The following PNLDC1 variants were observed in gnomAD, a reference collection of about 807,000 sequenced individuals.
PNLDC1 encodes PARN like ribonuclease domain containing exonuclease 1.
PNLDC1 carries 70 observed loss-of-function variants against 82.0 expected under a neutral mutation model. The ratio of observed to expected loss-of-function variants is 0.85; its 90% CI spans 0.70 to 1.04. The LOEUF is 1.04. Ranked by LOEUF, PNLDC1 falls within the 50% of genes least tolerant of loss-of-function variation. The pLI is 0.00. For missense variants in PNLDC1, 631 were observed against 661.1 expected (o/e 0.95, Z 0.50); for synonymous variants, 280 against 249.3 (o/e 1.12, Z -1.16).
chr6:159,817,535 T>C (rs1233191008), intron 15 of PNLDC1, among the ~76,000 whole-genome samples: 1 of 152,196 alleles, frequency 6.6e-6, no homozygotes, highest in Non-Finnish European at 1.5e-5. Context: ...GAGGAGAAAG[T>C]GTTCAGGTCA....
At chr6:159,816,127 T>TCCCCCCCCCCCCCCCCCCCCCCC in intron 13 of PNLDC1, 94 bp downstream of exon 13, 1 of 540,610 alleles carries the variant, frequency 1.8e-6, no homozygotes, top group Non-Finnish European at 2.4e-6. Flanking sequence ...CCCACACCCC[T>TCCCCCCCCCCCCCCCCCCCCCCC]CCCCACCCAC....
In PNLDC1 at chr6:159,816,571, G is replaced by A. The variant is rs367855452; in HGVS notation, c.1089G>A (p.Ala363=). The A allele has an allele frequency of 3.2e-4, 523 of 1,613,586 alleles. No individual in the cohort carries two copies. The highest frequency in any genetic ancestry group is 4.2e-4 in the Non-Finnish European group (497 of 1,179,914). Residue 363 remains alanine, a synonymous_variant, in exon 14 of 19, where the codon GCG becomes GCA. Coordinates refer to ENST00000392167, the MANE Select transcript of PNLDC1 (RefSeq NM_001271862.2). ...AGACAAAGTGCCCCCACGAAGCCGCGTATGATGCCTTCCTCTGTGGGTCAG... is the reference window on the plus strand; with the variant it reads ...AGACAAAGTGCCCCCACGAAGCCGCATATGATGCCTTCCTCTGTGGGTCAG... The part of the protein sequence containing the change: ...YVETKCPHEA[A]YDAFLCGSVL...
intron 12 of PNLDC1, among the ~76,000 whole-genome samples, chr6:159,813,865 A>C (rs777744489): frequency 1.3e-5 from 2 of 152,142 alleles, no homozygotes; most frequent in Non-Finnish European, 2.9e-5. Flanking sequence ...CAGAGACAGG[A>C]AATCTCTCAA....
chr6:159,819,153 C>A lies in PNLDC1; in HGVS notation c.1433+32C>A, dbSNP rs1386617007. 6.2e-7 allele frequency: 1 copy of A among 1,610,916 alleles called. No individual in the cohort carries two copies. The highest frequency in any genetic ancestry group is 2.2e-5 in the East Asian group (1 of 44,870). On this transcript the variant is annotated intron_variant, in intron 17 of 18. Transcript: ENST00000392167. The surrounding 1 kb of genome is among the most constrained non-coding windows in gnomAD (Gnocchi z 4.6). The stretch of plus-strand genomic sequence containing the variant: ...GCCTCTAAGTCCGCGTCCCCCACCC[C>A]TCGTGCGTTCATCCCTGTATCTCTC...
rs548986331 is a variant in PNLDC1, at chr6:159,814,953, C to T, written c.996-1016C>T. On this transcript the variant is annotated intron_variant, in intron 12 of 18. Transcript: ENST00000392167. ...TAAAGGACAGCTCATGGCACACCCA[C>T]GACGACGACGCCTGTTTTACAGATG... Among the ~76,000 whole-genome samples the T allele has an allele frequency of 5.9e-5, 9 of 152,268 alleles. No homozygotes were observed. In the South Asian group the frequency reaches 8.3e-4, roughly 14 times the overall value.
chr6:159,810,095 G>A lies in PNLDC1; in HGVS notation c.853G>A (p.Glu285Lys), dbSNP rs898877721. The change falls in exon 10 of 19, where the codon GAA becomes AAA. Residue 285 changes from glutamate (E) to lysine (K), a missense_variant and splice_region_variant. Glu to Lys is a moderately conservative substitution (Grantham distance 56, BLOSUM62 1). Coordinates refer to ENST00000392167, the MANE Select transcript of PNLDC1 (RefSeq NM_001271862.2). The stretch of plus-strand genomic sequence containing the variant: ...TGAGAAGTTCTTCAGACCCCTCCCA[G>A]GTAGGGGCAAACCTGTCATTTCTCT... ...LHEKFFRPLP[E>K]SYDQFKQNIH... 1.9e-6 allele frequency: 3 copies of A among 1,613,088 alleles called. No homozygotes were observed. The African/African-American group carries it at 4.0e-5, about 22-fold the overall frequency.
At chr6:159,804,194 G>A (rs1422921855) in intron 5 of PNLDC1, 106 bp downstream of exon 5, 43 of 1,333,402 alleles carry the variant, frequency 3.2e-5, no homozygotes, top group Middle Eastern at 1.9e-4. Context: ...TTCGCCTCCC[G>A]GGTTCAAGTG....
At chr6:159,804,748 C>T (rs967921944) in intron 6 of PNLDC1, 111 bp downstream of exon 6, 33 of 739,090 alleles carry the variant, frequency 4.5e-5, no homozygotes, top group Admixed American at 1.3e-4. Flanking sequence ...CCATGCTTGG[C>T]GGGGATGGCT....
chr6:159,813,632 CG>C lies in PNLDC1; in HGVS notation c.973del (p.Glu325LysfsTer6). The C allele has an allele frequency of 6.2e-7, 1 of 1,613,846 alleles. No homozygotes were observed. The highest frequency in any genetic ancestry group is 8.5e-7 in the Non-Finnish European group (1 of 1,179,768). On this transcript the variant is annotated frameshift_variant, in exon 12 of 19. Transcript: ENST00000392167. LOFTEE classifies it high-confidence loss of function. Reference protein sequence around the residue: ...EMNFPRVSNLSEVYEVLNSDL... With the variant: ...EMNFPRVSNLXEVYEVLNSDL... ...AATTTCCCGAGGGTGTCGAATCTTT[CG>C]GAAGTCTATGAAGTCCTGAACAGGT... is the stretch of plus-strand genomic sequence containing the variant.
Position 159,814,221 on chromosome 6 carries a change from T to C in PNLDC1, c.995+565T>C, listed in dbSNP as rs369526054. The stretch of plus-strand genomic sequence containing the variant: ...GCAGGGGCACCCAGAGCCGCCAGTC[T>C]GTCCCCAGTCAGCAGGACGAGGCAC... On this transcript the variant is annotated intron_variant, in intron 12 of 18. Transcript: ENST00000392167. Among the ~76,000 whole-genome samples, 6 of 152,362 alleles carry C rather than the reference T, an allele frequency of 3.9e-5. No homozygotes were observed. In the East Asian group the frequency reaches 1.2e-3, roughly 29 times the overall value.
At position 159,806,154 on chromosome 6, in the gene PNLDC1, G is replaced by A. The variant is rs936635300; in HGVS notation, c.562+71G>A. On this transcript the variant is annotated intron_variant, in intron 7 of 18. Transcript: ENST00000392167. ...CACTGTCACCTGCCAGGAGTTGGGG[G>A]AAACACACCCTTTCTTGGGATCCTG... 1.0e-5 allele frequency: 12 copies of A among 1,164,912 alleles called. No homozygotes were observed. In the Admixed American group the frequency reaches 1.4e-4, roughly 13 times the overall value. The allele number at this position is 1,164,912 out of a possible 1,614,324, so 72.2% of individuals were successfully genotyped here. A position where few individuals can be genotyped will look rare whatever the true frequency, so the allele number is the denominator to read the frequency against.
Position 159,819,024 on chromosome 6 carries a change from G to C in PNLDC1, c.1336G>C (p.Glu446Gln). The stretch of plus-strand genomic sequence containing the variant: ...CGTCAAAAGGTGGCCTGGGGTCAGC[G>C]AGCAGCAAGTCTACCATAAGTTTCA... Reference protein sequence around the residue: ...LSVKRWPGVSEQQVYHKFQNL... With the variant: ...LSVKRWPGVSQQQVYHKFQNL... The change falls in exon 17 of 19, where the codon GAG becomes CAG. Residue 446 changes from glutamate to glutamine, a missense_variant. Glu to Gln is a conservative substitution (Grantham distance 29). Transcript: ENST00000392167. The surrounding 1 kb of genome is among the most constrained non-coding windows in gnomAD (Gnocchi z 4.6). 6.2e-7 allele frequency: 1 copy of C among 1,614,014 alleles called. No individual in the cohort carries two copies. Among genetic ancestry groups the C allele is most frequent in the South Asian group, 1.1e-5 (1 of 91,074 alleles).
At chr6:159,813,445 C>G (rs1023351287) in intron 11 of PNLDC1, among the ~76,000 whole-genome samples, 156 bp from the exon 12 acceptor site, 6 of 152,182 alleles carry the variant, frequency 3.9e-5, no homozygotes, top group Admixed American at 6.5e-5. Flanking sequence ...GACATCCTAA[C>G]TAAGGAATAA....
At chr6:159,818,495 G>A in intron 15 of PNLDC1, 60 bp from the exon 16 acceptor site, 1 of 1,463,014 alleles carries the variant, frequency 6.8e-7, no homozygotes, top group Non-Finnish European at 9.6e-7. Context: ...CTTGGCTGTG[G>A]CCGAGGAAGT....
In PNLDC1 at chr6:159,803,288, G is replaced by C. The variant is rs138018902; in HGVS notation, c.226G>C (p.Ala76Pro). 5.0e-6 allele frequency: 8 copies of C among 1,613,940 alleles called. No individual in the cohort carries two copies. The Admixed American group carries it at 1.3e-4, about 27-fold the overall frequency. Residue 76 changes from alanine to proline, a missense_variant, in exon 4 of 19, where the codon GCT becomes CCT. Physicochemically the swap from Ala to Pro is conservative, Grantham distance 27. Transcript: ENST00000392167. ...VCQIGLSVFSAIEGEANKYIA... is the reference protein window; with the variant it reads ...VCQIGLSVFSPIEGEANKYIA... ...TCTTCCAGGATTGTCTGTGTTTTCC[G>C]CTATTGAAGGAGAGGCAAACAAGTA... is the stretch of plus-strand genomic sequence containing the variant.
chr6:159,804,658 T>C, intron 6 of PNLDC1, 21 bp downstream of exon 6: 1 of 1,553,650 alleles, frequency 6.4e-7, no homozygotes, highest in East Asian at 2.2e-5. Flanking sequence ...TTTCTCCAGG[T>C]GCCTTTTTGT....
In PNLDC1 at chr6:159,818,538, G is replaced by GT. The variant is rs781354194; in HGVS notation, c.1158-13dup. ...CTTCTGTGCGCCCGACAGCTTTGGG[G>GT]TTTTCTGTCCTTGCAGCATCGACCC... is the stretch of plus-strand genomic sequence containing the variant. On this transcript the variant is annotated splice_polypyrimidine_tract_variant and intron_variant, in intron 15 of 18. Transcript: ENST00000392167. 1.9e-6 allele frequency: 3 copies of GT among 1,611,276 alleles called. No individual in the cohort carries two copies. Among genetic ancestry groups the GT allele is most frequent in the Non-Finnish European group, 2.5e-6 (3 of 1,178,352 alleles).
rs747305263 is a variant in PNLDC1 at position 159,808,700 on chromosome 6, G to C, written c.563-40G>C. 29 of 1,567,198 alleles carry C rather than the reference G, an allele frequency of 1.9e-5. No homozygotes were observed. In the African/African-American group the frequency reaches 3.7e-4, roughly 20 times the overall value. On this transcript the variant is annotated intron_variant, in intron 7 of 18. Coordinates refer to ENST00000392167, the MANE Select transcript of PNLDC1 (RefSeq NM_001271862.2). ...TTCTCTTGTGGGGAACATGCCACACGGTTCCAGGTGCTGTGTGCCCCTGTG... is the reference window on the plus strand; with the variant it reads ...TTCTCTTGTGGGGAACATGCCACACCGTTCCAGGTGCTGTGTGCCCCTGTG...
intron 12 of PNLDC1, 59 bp from the exon 13 acceptor site, chr6:159,815,910 A>G (rs1252111593): frequency 4.5e-6 from 6 of 1,342,714 alleles, no homozygotes; most frequent in Non-Finnish European, 6.4e-6. Context: ...CTGAGGGGGA[A>G]TACAAGAAGG....
Sources: gnomAD v4.1 joint callset for allele counts (sites outside exome capture counted in the v4.1 genomes callset) on GRCh38, gnomAD v4.1.1 for gene constraint, Gnocchi (gnomAD v3.1) non-coding constraint, MANE v1.5 for transcripts, NCBI Gene and HGNC (gene_info 2026-07-23, HGNC 2026-07-21) for gene names.